SAXO4: variants seen among roughly 807,000 people sequenced by gnomAD.
The protein encoded by SAXO4 is protein phosphatase 1 regulatory subunit 32.
the SAXO4 span, among the ~76,000 whole-genome samples, chr11:61,481,458 A>C: frequency 6.6e-6 from 1 of 152,144 alleles, no homozygotes; most frequent in Non-Finnish European, 1.5e-5. Context: ...CCGAGTAGTC[A>C]AACACCTAGG....
chr11:61,486,724 G>A, the SAXO4 span: 1 of 1,076,242 alleles, frequency 9.3e-7, no homozygotes, highest in Middle Eastern at 2.0e-4. Context: ...ATTTAGGGAT[G>A]TGGAGGTAGG....
the SAXO4 span, among the ~76,000 whole-genome samples, chr11:61,484,497 C>T: frequency 7.2e-5 from 11 of 152,254 alleles, no homozygotes; most frequent in South Asian, 4.1e-4. Context: ...ACCAGGAGGA[C>T]GTGGAATTCC....
chr11:61,490,471 C>T, the SAXO4 span: 4 of 1,601,202 alleles, frequency 2.5e-6, no homozygotes, highest in South Asian at 4.4e-5. Flanking sequence ...CTGCCAACAC[C>T]CCCAACACTC....
the SAXO4 span, chr11:61,486,476 G>A: frequency 6.2e-7 from 1 of 1,612,582 alleles, no homozygotes; most frequent in African/African-American, 1.3e-5. Flanking sequence ...GAAGGTGGTG[G>A]GGGAGGCAGC....
At chr11:61,482,553 C>A in the SAXO4 span, 1 of 1,575,836 alleles carries the variant, frequency 6.3e-7, no homozygotes, top group Non-Finnish European at 8.7e-7. Flanking sequence ...CAGGGCACAG[C>A]GGACCTCTGA....
chr11:61,487,326 G>T, the SAXO4 span: 1 of 1,176,134 alleles, frequency 8.5e-7, no homozygotes, highest in South Asian at 1.2e-5. Context: ...CAGCCTCGTG[G>T]AGAAGATCAA....
At chr11:61,486,413 G>A in the SAXO4 span, 1 of 1,614,156 alleles carries the variant, frequency 6.2e-7, no homozygotes, top group African/African-American at 1.3e-5. Flanking sequence ...TGTAAGCTGA[G>A]CTAGGGGGAG....
the SAXO4 span, chr11:61,481,942 C>A: frequency 6.7e-7 from 1 of 1,489,660 alleles, no homozygotes; most frequent in Non-Finnish European, 9.2e-7. Context: ...TGCGCAGGAG[C>A]CTCTGCTAGG....
chr11:61,481,906 T>C, the SAXO4 span: 1 of 1,582,264 alleles, frequency 6.3e-7, no homozygotes, highest in East Asian at 2.3e-5. Flanking sequence ...CACCAGCTAC[T>C]GCACCGCCTA....
chr11:61,489,527 GC>G, the SAXO4 span: 1 of 582,286 alleles, frequency 1.7e-6, no homozygotes, highest in South Asian at 2.1e-5. Flanking sequence ...CAAGGTACTG[GC>G]AGGCCAGGGA....
the SAXO4 span, chr11:61,485,731 A>G: frequency 8.2e-7 from 1 of 1,223,652 alleles, no homozygotes; most frequent in East Asian, 2.3e-5. Flanking sequence ...CTGCTGGGAC[A>G]CTGAGCCTCT....
At chr11:61,489,677 A>T in the SAXO4 span, 3 of 1,199,942 alleles carry the variant, frequency 2.5e-6, no homozygotes, top group Non-Finnish European at 3.7e-6. Context: ...AGCATGAGCA[A>T]AGGTGGGGAG....
the SAXO4 span, chr11:61,487,190 C>A: frequency 4.3e-6 from 7 of 1,614,070 alleles, no homozygotes; most frequent in Non-Finnish European, 5.1e-6. Context: ...ATGTCCGGAG[C>A]CCCTGTGATC....
the SAXO4 span, chr11:61,486,441 G>A: frequency 3.7e-5 from 60 of 1,613,474 alleles, no homozygotes; most frequent in Admixed American, 1.8e-4. Context: ...ACCGCCTGGC[G>A]GGGAGCAGTT....
At chr11:61,490,013 C>A in the SAXO4 span, 8 of 1,456,290 alleles carry the variant, frequency 5.5e-6, no homozygotes, top group African/African-American at 8.4e-5. Flanking sequence ...AGGCCTTTCC[C>A]TTCCTCTCCT....
At chr11:61,486,851 G>A in the SAXO4 span, 1 of 1,073,862 alleles carries the variant, frequency 9.3e-7, no homozygotes. Flanking sequence ...CTGTGGACAG[G>A]TCACAGCTGT....
the SAXO4 span, chr11:61,484,603 T>C: frequency 6.5e-7 from 1 of 1,546,568 alleles, no homozygotes; most frequent in Non-Finnish European, 8.8e-7. Context: ...CTGCAGATAC[T>C]GCGCTCTGTA....
chr11:61,487,985 C>T, the SAXO4 span, among the ~76,000 whole-genome samples: 1 of 147,560 alleles, frequency 6.8e-6, no homozygotes, highest in Non-Finnish European at 1.5e-5. Flanking sequence ...AATTCTTCTT[C>T]TTCTTTTTTT....
chr11:61,482,629 G>A, the SAXO4 span: 41 of 1,613,506 alleles, frequency 2.5e-5, no homozygotes. Context: ...AGGCGGCCTG[G>A]GGTTCTAGCT....
Sources: allele counts gnomAD v4.1 joint callset (sites outside exome capture counted in the v4.1 genomes callset), GRCh38; gene constraint gnomAD v4.1.1; transcripts MANE v1.5; gene names NCBI Gene and HGNC (gene_info 2026-07-23, HGNC 2026-07-21).